HTT: variants seen among roughly 807,000 people sequenced by gnomAD.
HTT encodes the protein huntington disease protein.
A neutral mutation model predicts 362.3 loss-of-function variants in HTT; 104 were observed. The ratio of observed to expected loss-of-function variants is 0.29; its 90% CI spans 0.24 to 0.34. The LOEUF is 0.34. Among genes scored for constraint, HTT ranks in the 10% least tolerant of loss-of-function variants. HTT has a pLI of 1.00. For synonymous variants in HTT, 1,577 were observed against 1,548.7 expected (o/e 1.02, Z -0.43); for missense variants, 3,301 against 3,928.6 (o/e 0.84, Z 4.27).
intron 19 of HTT, 95 bp downstream of exon 19, chr4:3,134,635 T>C: frequency 6.1e-6 from 7 of 1,142,370 alleles, no homozygotes; most frequent in Non-Finnish European, 8.9e-6. Context: ...AAGTACCCTG[T>C]CCATCAGAAA....
chr4:3,183,528 AAC>A (rs1424571664), intron 37 of HTT, among the ~76,000 whole-genome samples: 1 of 152,212 alleles, frequency 6.6e-6, no homozygotes, highest in Non-Finnish European at 1.5e-5. Context: ...ATTTGATTTA[AAC>A]TTAGAGGCAT....
Position 3,217,856 on chromosome 4 carries a change from C to T in HTT, c.7146C>T (p.Ser2382=), listed in dbSNP as rs748782669. ...SVLALGHKRN[S]GVPAFLTPLL... ...TGGCCTTGGGTCATAAAAGGAATAG[C>T]GGCGTGCCGGCGTTTCTCACGCCAT... is the stretch of plus-strand genomic sequence containing the variant. Residue 2382 remains serine, a synonymous_variant, in exon 52 of 67, where the codon AGC becomes AGT. Coordinates refer to ENST00000355072, the MANE Select transcript of HTT (RefSeq NM_001388492.1). The T allele has an allele frequency of 1.5e-5, 24 of 1,614,034 alleles. No homozygotes were observed. The highest frequency in any genetic ancestry group is 3.3e-4 in the Middle Eastern group (2 of 6,084).
intron 26 of HTT, among the ~76,000 whole-genome samples, chr4:3,148,431 C>T (rs968156592): frequency 7.2e-5 from 11 of 152,056 alleles, no homozygotes; most frequent in Non-Finnish European, 1.3e-4. Context: ...GCAAGTGGAT[C>T]ACTTGAGGCC....
chr4:3,232,305 C>T (rs1254096119), intron 60 of HTT, among the ~76,000 whole-genome samples: 5 of 152,162 alleles, frequency 3.3e-5, no homozygotes, highest in Non-Finnish European at 5.9e-5. Flanking sequence ...CTACCACTGC[C>T]GAGAACCTCA....
At chr4:3,156,247 G>A (rs182149877) in intron 27 of HTT, among the ~76,000 whole-genome samples, 14 of 152,242 alleles carry the variant, frequency 9.2e-5, no homozygotes, top group African/African-American at 2.9e-4. Flanking sequence ...AGCCTCCTGA[G>A]TAGCTGGGAT....
At chr4:3,235,812 C>A in intron 63 of HTT, 34 bp downstream of exon 63, 1 of 1,527,680 alleles carries the variant, frequency 6.5e-7, no homozygotes, top group Non-Finnish European at 8.9e-7. Flanking sequence ...AAGGCCAGCC[C>A]AAGTCCTGTT....
At chr4:3,126,202 G>A (rs943201011) in intron 11 of HTT, among the ~76,000 whole-genome samples, 36 of 152,030 alleles carry the variant, frequency 2.4e-4, no homozygotes, top group African/African-American at 7.2e-4. Context: ...ACAGGTGCCC[G>A]CCACCACGCT....
chr4:3,211,892 T>A, intron 47 of HTT, 37 bp from the exon 48 acceptor site: 1 of 1,432,686 alleles, frequency 7.0e-7, no homozygotes. Context: ...CATAATCTGT[T>A]GTTATTGTTT....
At chr4:3,229,329 AC>A (rs1721104607) in intron 59 of HTT, among the ~76,000 whole-genome samples, 2 of 133,452 alleles carry the variant, frequency 1.5e-5, no homozygotes, top group Admixed American at 7.6e-5. Flanking sequence ...CACCACACAC[AC>A]CACATGCACC....
intron 33 of HTT, 145 bp from the exon 34 acceptor site, chr4:3,177,187 T>G: frequency 1.5e-6 from 1 of 662,692 alleles, no homozygotes; most frequent in South Asian, 1.8e-5. Context: ...TAGGCTGATT[T>G]CAGAATAGAG....
chr4:3,178,483 C>T lies in HTT; in HGVS notation c.4612+37C>T, dbSNP rs117118742. ...CACCTTTCACTGTCGTCTTCGGTGT[C>T]GTGATGTGCTTGGCAGTGTTCGTTT... is the stretch of plus-strand genomic sequence containing the variant. On this transcript the variant is annotated intron_variant, in intron 35 of 66. Transcript: ENST00000355072. 2,238 of 1,601,554 alleles carry T rather than the reference C, an allele frequency of 1.4e-3. 68 individuals are homozygous for T. The East Asian group carries it at 0.046, about 33-fold the overall frequency.
chr4:3,163,067 A>G (rs952408134), intron 29 of HTT, among the ~76,000 whole-genome samples: 2 of 152,220 alleles, frequency 1.3e-5, no homozygotes, highest in African/African-American at 4.8e-5. Context: ...TGGGTTTGTC[A>G]TAAATAGCTC....
chr4:3,225,600 G>T, intron 56 of HTT, 61 bp from the exon 57 acceptor site: 1 of 1,476,220 alleles, frequency 6.8e-7, no homozygotes, highest in East Asian at 2.3e-5. Flanking sequence ...GGCTGGTATG[G>T]GGTGGGCCTG....
chr4:3,120,569 G>A (rs761981082), intron 8 of HTT, among the ~76,000 whole-genome samples: 5 of 152,156 alleles, frequency 3.3e-5, no homozygotes, highest in Non-Finnish European at 7.4e-5. Context: ...CCTGAGCACC[G>A]CCTCCTGTCA....
At chr4:3,098,646 A>ATAGTAAACAAACTCCAGTTT (rs1713991673) in intron 2 of HTT, among the ~76,000 whole-genome samples, 1 of 152,232 alleles carries the variant, frequency 6.6e-6, no homozygotes, top group African/African-American at 2.4e-5. Flanking sequence ...TAGTTTACAA[A>ATAGTAAACAAACTCCAGTTT]TAGTAAACAA....
chr4:3,094,630 C>T (rs1333678042), intron 2 of HTT, among the ~76,000 whole-genome samples: 25 of 142,606 alleles, frequency 1.8e-4, no homozygotes, highest in African/African-American at 6.1e-4. Context: ...GCGGGGGCTG[C>T]CCCCCACCTC....
chr4:3,233,991 T>C (rs1489488715), intron 61 of HTT, among the ~76,000 whole-genome samples: 1 of 152,124 alleles, frequency 6.6e-6, no homozygotes, highest in East Asian at 1.9e-4. Flanking sequence ...GGGAGCTGTC[T>C]TTAGAGGGAG....
At chr4:3,193,544 A>T (rs1327170882) in intron 40 of HTT, among the ~76,000 whole-genome samples, 1 of 152,170 alleles carries the variant, frequency 6.6e-6, no homozygotes, top group Non-Finnish European at 1.5e-5. Context: ...GTGCAGCTCA[A>T]ATGTGGTCAC....
At chr4:3,237,862 C>T (rs1052599219) in intron 64 of HTT, among the ~76,000 whole-genome samples, 6 of 152,104 alleles carry the variant, frequency 3.9e-5, no homozygotes, top group Non-Finnish European at 5.9e-5. Flanking sequence ...GAAGAAGCAG[C>T]GAGAGCACAG....
Sources: allele counts gnomAD v4.1 joint callset (sites outside exome capture counted in the v4.1 genomes callset), GRCh38; gene constraint gnomAD v4.1.1; transcripts MANE v1.5; gene names NCBI Gene and HGNC (gene_info 2026-07-23, HGNC 2026-07-21).